Variants in MICU1 observed in about 807,000 individuals in gnomAD.
MICU1 encodes mitochondrial calcium uptake 1, also known as calcium uptake protein 1, mitochondrial.
In MICU1, 45 loss-of-function variants were observed where a neutral mutation model predicts 56.8. The observed-to-expected ratio is 0.79, with a 90% confidence interval of 0.62 to 1.02. MICU1 has a LOEUF of 1.02. Ranked by LOEUF, MICU1 falls within the 50% of genes least tolerant of loss-of-function variation. The pLI, the probability that MICU1 is intolerant of heterozygous loss-of-function variation, is 0.00. For synonymous variants in MICU1, 186 were observed against 195.1 expected (o/e 0.95, Z 0.39); for missense variants, 504 against 587.1 (o/e 0.86, Z 1.46).
chr10:72,501,618 TTAAA>T (rs1867070615), intron 6 of MICU1: 1 of 151,992 alleles, frequency 6.6e-6, no homozygotes, highest in East Asian at 1.9e-4. Context: ...ATATGAAATG[TTAAA>T]TAGTGATATG....
At chr10:72,448,099 A>G (rs1022273229) in intron 8 of MICU1, among the ~76,000 whole-genome samples, 2 of 143,494 alleles carry the variant, frequency 1.4e-5, no homozygotes, top group African/African-American at 5.1e-5. Flanking sequence ...CACATTGGGC[A>G]CCATGGAAAA....
intron 1 of MICU1, among the ~76,000 whole-genome samples, chr10:72,586,394 T>C (rs1841060607): frequency 6.6e-6 from 1 of 152,106 alleles, no homozygotes; most frequent in Admixed American, 6.5e-5. Flanking sequence ...CTCACACCTG[T>C]AATTCCAGCA....
intron 10 of MICU1, among the ~76,000 whole-genome samples, chr10:72,396,410 C>T (rs900291704): frequency 4.0e-5 from 6 of 151,784 alleles, no homozygotes; most frequent in South Asian, 2.1e-4. Context: ...TCGCCAGCAA[C>T]GGAACAAAGC....
chr10:72,460,913 T>C (rs1469230170), intron 8 of MICU1, among the ~76,000 whole-genome samples: 1 of 152,154 alleles, frequency 6.6e-6, no homozygotes, highest in Non-Finnish European at 1.5e-5. Context: ...TATTTTAAAA[T>C]GTCCCTAAGT....
At chr10:72,473,738 G>T (rs1047505727) in intron 8 of MICU1, among the ~76,000 whole-genome samples, 1 of 152,154 alleles carries the variant, frequency 6.6e-6, no homozygotes, top group African/African-American at 2.4e-5. Context: ...CCGCTCATCA[G>T]TGTTACAACA....
At chr10:72,491,728 T>C (rs1370172172) in intron 6 of MICU1, among the ~76,000 whole-genome samples, 1 of 152,170 alleles carries the variant, frequency 6.6e-6, no homozygotes, top group African/African-American at 2.4e-5. Context: ...TCTAGGTACA[T>C]ACATACATTC....
At chr10:72,607,526 C>G (rs1183001813) in intron 1 of MICU1, among the ~76,000 whole-genome samples, 1 of 149,554 alleles carries the variant, frequency 6.7e-6, no homozygotes, top group Non-Finnish European at 1.5e-5. Flanking sequence ...AGTCTCAGCT[C>G]CTCAGGAGGC....
rs201811633 is a variant in MICU1, at chr10:72,423,384, C to A, written c.934-13G>T. The A allele has an allele frequency of 1.4e-4, 228 of 1,612,574 alleles. 4 individuals are homozygous for A. The highest frequency in any genetic ancestry group is 1.8e-5 in the Non-Finnish European group (21 of 1,179,360). ...CATGGCGTTCAAACTGGGAGGGAAA[C>A]AGAAAGAATGTTCCTAGGGTCAATG... On this transcript the variant is annotated splice_polypyrimidine_tract_variant and intron_variant, in intron 8 of 11. Coordinates refer to ENST00000361114, the MANE Select transcript of MICU1 (RefSeq NM_001195518.2).
At chr10:72,377,715 A>G (rs1166227945) in intron 10 of MICU1, among the ~76,000 whole-genome samples, 1 of 152,216 alleles carries the variant, frequency 6.6e-6, no homozygotes, top group African/African-American at 2.4e-5. Flanking sequence ...GAAAAGGATT[A>G]ATTTCCATTT....
intron 9 of MICU1, among the ~76,000 whole-genome samples, chr10:72,415,156 C>CAG (rs1204756478): frequency 6.6e-6 from 1 of 151,790 alleles, no homozygotes; most frequent in Non-Finnish European, 1.5e-5. Context: ...GCTGGGATTA[C>CAG]AGACACCTGT....
chr10:72,572,025 A>AT (rs59887936), intron 1 of MICU1, among the ~76,000 whole-genome samples: 2 of 151,904 alleles, frequency 1.3e-5, no homozygotes, highest in Non-Finnish European at 1.5e-5. Context: ...AAAAAAAAAA[A>AT]CAAACACTAA....
intron 6 of MICU1, among the ~76,000 whole-genome samples, chr10:72,500,273 TATATATATATATATATATATATATA>T (rs1866988534): frequency 9.5e-5 from 1 of 10,524 alleles, no homozygotes; most frequent in Admixed American, 1.0e-3. Flanking sequence ...TATATATATA[TATATATATATATATATATATATATA>T]TATATTTTTT....
At chr10:72,607,019 C>T (rs1422122759) in intron 1 of MICU1, among the ~76,000 whole-genome samples, 3 of 152,072 alleles carry the variant, frequency 2.0e-5, no homozygotes. Flanking sequence ...TTACATCTGG[C>T]TGTTTCTTAG....
chr10:72,542,033 T>C, intron 4 of MICU1, among the ~76,000 whole-genome samples: 1 of 152,234 alleles, frequency 6.6e-6, no homozygotes, highest in East Asian at 1.9e-4. Context: ...AAGGGAAATG[T>C]AGTAATCATG....
chr10:72,553,497 T>C (rs1172067312), intron 3 of MICU1, among the ~76,000 whole-genome samples: 1 of 152,216 alleles, frequency 6.6e-6, no homozygotes. Context: ...CCTCCCAAAG[T>C]GCTGGGATTA....
chr10:72,554,385 G>A (rs900684307), intron 3 of MICU1, among the ~76,000 whole-genome samples: 1 of 152,016 alleles, frequency 6.6e-6, no homozygotes, highest in Admixed American at 6.6e-5. Context: ...CTTGCTGCAG[G>A]GATCAAACCT....
At chr10:72,382,566 A>G (rs994419328) in intron 10 of MICU1, among the ~76,000 whole-genome samples, 12 of 152,176 alleles carry the variant, frequency 7.9e-5, no homozygotes, top group African/African-American at 2.9e-4. Flanking sequence ...GGGGGTGAGT[A>G]CATTAGGAGA....
At chr10:72,605,655 A>C (rs1841666223) in intron 1 of MICU1, among the ~76,000 whole-genome samples, 1 of 152,208 alleles carries the variant, frequency 6.6e-6, no homozygotes, top group Non-Finnish European at 1.5e-5. Context: ...TAACAGTTAC[A>C]CTGTAGTAGA....
At chr10:72,567,344 A>T (rs919761938) in intron 1 of MICU1, among the ~76,000 whole-genome samples, 3 of 152,132 alleles carry the variant, frequency 2.0e-5, no homozygotes, top group Non-Finnish European at 4.4e-5. Flanking sequence ...AATAAATAAA[A>T]AATAAAAAAT....
Sources: allele counts gnomAD v4.1 joint callset (sites outside exome capture counted in the v4.1 genomes callset), GRCh38; gene constraint gnomAD v4.1.1; transcripts MANE v1.5; gene names NCBI Gene and HGNC (gene_info 2026-07-23, HGNC 2026-07-21).